C6orf118: variants seen among roughly 807,000 people sequenced by gnomAD.
C6orf118 encodes the protein uncharacterized protein C6orf118.
Under a neutral mutation model 50.2 loss-of-function variants are expected in C6orf118, and 50 were observed. The ratio of observed to expected loss-of-function variants is 1.00; its 90% CI spans 0.79 to 1.26. The LOEUF is 1.26. Among genes scored for constraint, C6orf118 ranks in the 50% most tolerant of loss-of-function variants. The pLI, the probability that C6orf118 is intolerant of heterozygous loss-of-function variation, is 0.00. For missense variants in C6orf118, 641 were observed against 578.7 expected (o/e 1.11, Z -1.10); for synonymous variants, 239 against 230.9 (o/e 1.03, Z -0.32).
At chr6:165,301,242 C>T (rs1021655359) in intron 2 of C6orf118, among the ~76,000 whole-genome samples, 6 of 152,102 alleles carry the variant, frequency 3.9e-5, no homozygotes, top group African/African-American at 1.2e-4. Context: ...CCTCTCAGCT[C>T]ACCGTCGTGG....
At chr6:165,290,397 C>T (rs1252970180) in intron 6 of C6orf118, among the ~76,000 whole-genome samples, 1 of 151,944 alleles carries the variant, frequency 6.6e-6, no homozygotes, top group East Asian at 1.9e-4. Flanking sequence ...GTGACAGTGG[C>T]AGAGCAGAAG....
At chr6:165,294,467 T>C (rs534361824) in intron 5 of C6orf118, among the ~76,000 whole-genome samples, 2 of 152,236 alleles carry the variant, frequency 1.3e-5, no homozygotes, top group East Asian at 1.9e-4. Context: ...ATTTAAAACA[T>C]CCACATGCAA....
chr6:165,300,239 G>T (rs917144349), intron 3 of C6orf118, 125 bp downstream of exon 3: 2 of 1,132,060 alleles, frequency 1.8e-6, no homozygotes, highest in East Asian at 2.4e-5. Context: ...TGGGAGTGAT[G>T]GTCCCTGTCT....
chr6:165,289,360 AATC>A (rs1780027928), intron 7 of C6orf118, among the ~76,000 whole-genome samples: 1 of 152,200 alleles, frequency 6.6e-6, no homozygotes, highest in Non-Finnish European at 1.5e-5. Flanking sequence ...CAATAAAAAA[AATC>A]ATGTATTTCT....
intron 7 of C6orf118, among the ~76,000 whole-genome samples, chr6:165,287,621 A>G (rs561684768): frequency 1.3e-5 from 2 of 152,190 alleles, no homozygotes; most frequent in Non-Finnish European, 2.9e-5. Flanking sequence ...GAACTCAGAA[A>G]TAAGACTGCA....
At chr6:165,293,329 A>G (rs1780170587) in intron 6 of C6orf118, 84 bp downstream of exon 6, 2 of 1,248,136 alleles carry the variant, frequency 1.6e-6, no homozygotes, top group South Asian at 1.2e-5. Context: ...CCAAGTTGAC[A>G]GACAGGCAGC....
In C6orf118 at chr6:165,279,975, A is replaced by C. The variant is rs1271623468; in HGVS notation, c.*82T>G. ...GATGAAATGAAATGTATCTTTATGA[A>C]TGTATATGCATCTGCAAATATCCAT... is the stretch of plus-strand genomic sequence containing the variant. On this transcript the variant is annotated 3_prime_UTR_variant, in exon 9 of 9. Coordinates refer to ENST00000230301, the MANE Select transcript of C6orf118 (RefSeq NM_144980.4). 7.7e-7 allele frequency: 1 copy of C among 1,306,044 alleles called. No individual in the cohort carries two copies. Among genetic ancestry groups the C allele is most frequent in the Non-Finnish European group, 1.1e-6 (1 of 936,588 alleles). The allele number at this position is 1,306,044 out of a possible 1,614,324, so 80.9% of individuals were successfully genotyped here.
chr6:165,281,620 G>T lies in C6orf118; in HGVS notation c.1356+20C>A. 6.7e-7 allele frequency: 1 copy of T among 1,489,284 alleles called. No homozygotes were observed. Among genetic ancestry groups the T allele is most frequent in the South Asian group, 1.3e-5 (1 of 76,484 alleles). 92.3% of individuals were successfully genotyped at this position (1,489,284 alleles called of 1,614,324 possible). On this transcript the variant is annotated intron_variant, in intron 8 of 8. Coordinates refer to ENST00000230301, the MANE Select transcript of C6orf118 (RefSeq NM_144980.4). ...GGAAATATTTTTATTGATAAACATT[G>T]ATTCACACAAAAAACTTACTTTTAT...
Position 165,301,611 on chromosome 6 carries a change from A to G in C6orf118, c.711T>C (p.Thr237=). ...AKQDLLKNDF[T]GSKAAAGHER... ...CGTGGCCCGCGGCCGCCTTGCTCCCAGTGAAGTCATTCTTCAGGAGATCTT... is the reference window on the plus strand; with the variant it reads ...CGTGGCCCGCGGCCGCCTTGCTCCCGGTGAAGTCATTCTTCAGGAGATCTT... Residue 237 remains threonine (T), a synonymous_variant, in exon 2 of 9, where the codon ACT becomes ACC. Coordinates refer to ENST00000230301, the MANE Select transcript of C6orf118 (RefSeq NM_144980.4). The G allele has an allele frequency of 6.2e-7, 1 of 1,613,900 alleles. No individual in the cohort carries two copies. The highest frequency in any genetic ancestry group is 1.1e-5 in the South Asian group (1 of 91,068).
intron 6 of C6orf118, among the ~76,000 whole-genome samples, chr6:165,292,035 G>A (rs1780122180): frequency 6.6e-6 from 1 of 152,170 alleles, no homozygotes; most frequent in Admixed American, 6.5e-5. Flanking sequence ...AGCTAGCTGA[G>A]GGGATAGAAA....
chr6:165,302,212 G>C lies in C6orf118; in HGVS notation c.110C>G (p.Thr37Ser). The change falls in exon 2 of 9, where the codon ACC becomes AGC. Residue 37 changes from threonine (T) to serine (S), a missense_variant. Coordinates refer to ENST00000230301, the MANE Select transcript of C6orf118 (RefSeq NM_144980.4). ...LKHCETPGVK[T>S]LCNLKKLLNR... ...CAGAAGTTTCTTCAGATTACACAGG[G>C]TCTTCACTCCTGGCGTCTCGCAGTG... The C allele has an allele frequency of 6.2e-7, 1 of 1,612,708 alleles. No homozygotes were observed. Among genetic ancestry groups the C allele is most frequent in the Non-Finnish European group, 8.5e-7 (1 of 1,179,064 alleles).
chr6:165,281,697 G>A lies in C6orf118; in HGVS notation c.1303-4C>T. ...TTTCCAATTGTATAGCTTCATGCTG[G>A]AAGAGAAGTTGTTTTAAACACAATA... On this transcript the variant is annotated splice_region_variant and splice_polypyrimidine_tract_variant and intron_variant, in intron 7 of 8. Coordinates refer to ENST00000230301, the MANE Select transcript of C6orf118 (RefSeq NM_144980.4). 1 of 1,475,238 alleles carries A rather than the reference G, an allele frequency of 6.8e-7. No homozygotes were observed. The highest frequency in any genetic ancestry group is 9.1e-7 in the Non-Finnish European group (1 of 1,103,314). The allele number at this position is 1,475,238 out of a possible 1,614,324, so 91.4% of individuals were successfully genotyped here. A position where few individuals can be genotyped will look rare whatever the true frequency, so the allele number is the denominator to read the frequency against.
In C6orf118 at chr6:165,301,802, T is replaced by C. The variant is rs1780552262; in HGVS notation, c.520A>G (p.Arg174Gly). The C allele has an allele frequency of 6.2e-7, 1 of 1,613,736 alleles. No homozygotes were observed. The highest frequency in any genetic ancestry group is 1.3e-5 in the African/African-American group (1 of 74,872). Residue 174 changes from arginine (R) to glycine (G), a missense_variant, in exon 2 of 9, where the codon AGG becomes GGG. Arg to Gly is a moderately radical substitution (Grantham distance 125). Coordinates refer to ENST00000230301, the MANE Select transcript of C6orf118 (RefSeq NM_144980.4). ...AAGTCGGGCAGCCGGAGTTCTTCCC[T>C]CCTGCGCCATCCAGGAGGGCCCCGT... ...PGRGPPGWRR[R>G]EELRLPDLKV... is the part of the protein sequence containing the mutation.
At position 165,306,927 on chromosome 6, in the gene C6orf118, G is replaced by C. The variant is rs202069713; in HGVS notation, c.25+2635C>G. 2.1e-5 allele frequency among the ~76,000 whole-genome samples: 3 copies of C among 143,334 alleles called. 1 individual carries two copies. In the South Asian group the frequency reaches 6.7e-4, roughly 32 times the overall value. 94.0% of individuals were successfully genotyped at this position (143,334 alleles called of 152,430 possible). A position where few individuals can be genotyped will look rare whatever the true frequency, so the allele number is the denominator to read the frequency against. Reference sequence around the variant, plus strand: ...CCATCTGAAAACATTGTGTGTGTCTGTGTGTGTGTGTATCCTGCCTCTCTG... The same window carrying C: ...CCATCTGAAAACATTGTGTGTGTCTCTGTGTGTGTGTATCCTGCCTCTCTG... On this transcript the variant is annotated intron_variant, in intron 1 of 8. Transcript: ENST00000230301.
chr6:165,282,768 A>G (rs975168282), intron 7 of C6orf118, among the ~76,000 whole-genome samples: 27 of 152,114 alleles, frequency 1.8e-4, no homozygotes, highest in Middle Eastern at 3.4e-3. Context: ...TAAGCAGCCA[A>G]ATATAAATAA....
intron 3 of C6orf118, 87 bp downstream of exon 3, chr6:165,300,277 G>T: frequency 6.6e-7 from 1 of 1,513,646 alleles, no homozygotes; most frequent in Non-Finnish European, 9.0e-7. Context: ...ATACCTAGCA[G>T]AATTTCAGTG....
chr6:165,289,000 G>T (rs1780013614), intron 7 of C6orf118, among the ~76,000 whole-genome samples: 1 of 151,166 alleles, frequency 6.6e-6, no homozygotes, highest in Admixed American at 6.6e-5. Flanking sequence ...TTAAAATAAG[G>T]CTAGAATCAG....
chr6:165,295,970 C>G (rs1421484680), intron 5 of C6orf118, among the ~76,000 whole-genome samples: 1 of 147,954 alleles, frequency 6.8e-6, no homozygotes, highest in South Asian at 2.2e-4. Flanking sequence ...CTGCCATCAG[C>G]CCAGCAGGAC....
intron 5 of C6orf118, 25 bp from the exon 6 acceptor site, chr6:165,293,496 G>T: frequency 6.3e-7 from 1 of 1,586,562 alleles, no homozygotes; most frequent in Non-Finnish European, 8.6e-7. Flanking sequence ...TAAACAATAG[G>T]GAAATATTAG....
Sources: allele counts gnomAD v4.1 joint callset (sites outside exome capture counted in the v4.1 genomes callset), GRCh38; gene constraint gnomAD v4.1.1; transcripts MANE v1.5; gene names NCBI Gene and HGNC (gene_info 2026-07-23, HGNC 2026-07-21).